The following CNTN5 variants were observed in gnomAD, a reference collection of about 807,000 sequenced individuals.
CNTN5 encodes the protein contactin 5, also known as contactin-5.
In CNTN5, 77 loss-of-function variants were observed where a neutral mutation model predicts 129.1. That is an observed-to-expected ratio of 0.60 (90% CI 0.50 to 0.72). The LOEUF (loss-of-function observed/expected upper bound fraction) is 0.72. CNTN5 is among the 30% of genes least tolerant of loss of function. CNTN5 has a pLI of 0.00. For synonymous variants in CNTN5, 509 were observed against 465.6 expected (o/e 1.09, Z -1.20); for missense variants, 1,478 against 1,328.8 (o/e 1.11, Z -1.75).
intron 15 of CNTN5, among the ~76,000 whole-genome samples, chr11:100,206,041 T>C (rs1948904683): frequency 6.6e-6 from 1 of 152,102 alleles, no homozygotes; most frequent in East Asian, 1.9e-4. Flanking sequence ...AAGCACTGTC[T>C]TTGAGGGTCA....
chr11:100,250,392 T>C (rs888707009), intron 16 of CNTN5, among the ~76,000 whole-genome samples: 3 of 152,144 alleles, frequency 2.0e-5, no homozygotes, highest in Admixed American at 6.6e-5. Flanking sequence ...CTTCTTTTTT[T>C]CCCTTTCTTC....
intron 23 of CNTN5, among the ~76,000 whole-genome samples, chr11:100,349,421 C>G (rs1952356165): frequency 6.6e-6 from 1 of 151,816 alleles, no homozygotes; most frequent in Non-Finnish European, 1.5e-5. Context: ...GTAGCTTTCT[C>G]TTTTTAAGCT....
intron 15 of CNTN5, among the ~76,000 whole-genome samples, chr11:100,221,241 T>C (rs1591406611): frequency 6.6e-6 from 1 of 152,264 alleles, no homozygotes; most frequent in South Asian, 2.1e-4. Context: ...GAAGTATGCC[T>C]ATGTCTAGGT....
Position 99,960,299 on chromosome 11 carries a change from A to G in CNTN5, c.877+3290A>G, listed in dbSNP as rs543998986. Among the ~76,000 whole-genome samples the G allele has an allele frequency of 2.8e-4, 43 of 152,178 alleles. 1 individual carries two copies. The South Asian group carries it at 8.3e-3, about 29-fold the overall frequency. The stretch of plus-strand genomic sequence containing the variant: ...AGTCTAATTCATAGCTTTTTATGTC[A>G]TGAAATGAGGATCATTTTATTCCTC... On this transcript the variant is annotated intron_variant, in intron 8 of 24. Coordinates refer to ENST00000524871, the MANE Select transcript of CNTN5 (RefSeq NM_014361.4).
intron 3 of CNTN5, among the ~76,000 whole-genome samples, chr11:99,668,157 T>C (rs1485813530): frequency 1.3e-5 from 2 of 152,062 alleles, no homozygotes; most frequent in African/African-American, 4.8e-5. Flanking sequence ...CCACTTCAGA[T>C]AAAGTTGCCA....
intron 4 of CNTN5, among the ~76,000 whole-genome samples, chr11:99,820,237 T>C (rs148763989): frequency 4.9e-3 from 728 of 149,764 alleles, no homozygotes; most frequent in African/African-American, 0.017. Flanking sequence ...GGATTAAGAC[T>C]AAATACTCTC....
chr11:99,275,657 C>T (rs1260724151), intron 1 of CNTN5, among the ~76,000 whole-genome samples: 1 of 151,656 alleles, frequency 6.6e-6, no homozygotes, highest in East Asian at 1.9e-4. Flanking sequence ...GCAGAGCTCT[C>T]TCACATGACT....
At chr11:99,792,573 G>GTGTGTGTGTGTGTGTGTGTGTGTCTGTC (rs34622017) in intron 3 of CNTN5, among the ~76,000 whole-genome samples, 2 of 116,614 alleles carry the variant, frequency 1.7e-5, no homozygotes, top group African/African-American at 7.4e-5. Flanking sequence ...GTGTGTGTGT[G>GTGTGTGTGTGTGTGTGTGTGTGTCTGTC]TGTCTGTCTG....
chr11:99,878,823 C>A (rs997503046), intron 6 of CNTN5, among the ~76,000 whole-genome samples: 1 of 152,098 alleles, frequency 6.6e-6, no homozygotes, highest in African/African-American at 2.4e-5. Flanking sequence ...CCAATGCACT[C>A]CAGCCTGGCG....
At chr11:99,625,877 A>C (rs1324528703) in intron 3 of CNTN5, among the ~76,000 whole-genome samples, 1 of 151,124 alleles carries the variant, frequency 6.6e-6, no homozygotes, top group Non-Finnish European at 1.5e-5. Flanking sequence ...GTCAAGTCTC[A>C]TGAGCTCATG....
At position 99,796,616 on chromosome 11, in the gene CNTN5, C is replaced by T. The variant is rs887732174; in HGVS notation, c.56-22928C>T. Among the ~76,000 whole-genome samples, 5 of 151,414 alleles carry T rather than the reference C, an allele frequency of 3.3e-5. No homozygotes were observed. The South Asian group carries it at 1.0e-3, about 32-fold the overall frequency. ...TGCACTGTAAGCAGGCACAGCCAGA[C>T]TGAAACTCCAGGTGAGGCCAGCAGA... On this transcript the variant is annotated intron_variant, in intron 3 of 24. Transcript: ENST00000524871.
At chr11:99,945,985 C>G (rs138098612) in intron 7 of CNTN5, among the ~76,000 whole-genome samples, 16 of 152,144 alleles carry the variant, frequency 1.1e-4, no homozygotes, top group Non-Finnish European at 2.2e-4. Context: ...TTTTCTTACC[C>G]TGTTCGTTGT....
chr11:99,338,693 G>C (rs554868435), intron 2 of CNTN5, among the ~76,000 whole-genome samples: 1 of 151,572 alleles, frequency 6.6e-6, no homozygotes, highest in South Asian at 2.1e-4. Flanking sequence ...AACTGTACTA[G>C]GTTTTATGAT....
At chr11:100,022,266 G>A (rs149745949) in intron 9 of CNTN5, among the ~76,000 whole-genome samples, 175 of 152,250 alleles carry the variant, frequency 1.1e-3, no homozygotes, top group East Asian at 3.5e-3. Flanking sequence ...ATTTAAAATA[G>A]ATTTCTTTTA....
intron 1 of CNTN5, among the ~76,000 whole-genome samples, chr11:99,156,775 T>C (rs370391995): frequency 1.3e-5 from 2 of 152,058 alleles, no homozygotes; most frequent in South Asian, 4.1e-4. Context: ...TCTACACATA[T>C]AGTTTATTCA....
chr11:99,220,865 A>T (rs2135701683), intron 1 of CNTN5, among the ~76,000 whole-genome samples: 1 of 152,008 alleles, frequency 6.6e-6, no homozygotes, highest in South Asian at 2.1e-4. Flanking sequence ...TTTTCACCTT[A>T]TGAAAACAAT....
chr11:99,432,439 C>CCTTCTCTTTTCTTTT (rs1555143550), intron 2 of CNTN5, among the ~76,000 whole-genome samples: 1 of 113,214 alleles, frequency 8.8e-6, no homozygotes, highest in Non-Finnish European at 1.9e-5. Context: ...CCTTTTCTTT[C>CCTTCTCTTTTCTTTT]CTTTTCTTTT....
At chr11:99,725,144 T>A (rs1306594977) in intron 3 of CNTN5, among the ~76,000 whole-genome samples, 1 of 152,202 alleles carries the variant, frequency 6.6e-6, no homozygotes, top group Non-Finnish European at 1.5e-5. Context: ...TCTTTCACAG[T>A]CTTCCCTCAT....
chr11:99,231,578 A>T (rs1861001398), intron 1 of CNTN5, among the ~76,000 whole-genome samples: 1 of 151,942 alleles, frequency 6.6e-6, no homozygotes, highest in African/African-American at 2.4e-5. Flanking sequence ...GATTGCAAAA[A>T]TTTTCTCCCA....
Sources: gnomAD v4.1 joint callset for allele counts (sites outside exome capture counted in the v4.1 genomes callset) on GRCh38, gnomAD v4.1.1 for gene constraint, MANE v1.5 for transcripts, NCBI Gene and HGNC (gene_info 2026-07-23, HGNC 2026-07-21) for gene names.